Variants in MCF2L observed in about 807,000 individuals in gnomAD.
MCF2L encodes MCF.2 cell line derived transforming sequence like, also known as guanine nucleotide exchange factor DBS.
MCF2L carries 97 observed loss-of-function variants against 153.4 expected under a neutral mutation model. That is an observed-to-expected ratio of 0.63 (90% CI 0.54 to 0.75). The LOEUF is 0.75. MCF2L is among the 30% of genes least tolerant of loss of function. The pLI, the probability that MCF2L is intolerant of heterozygous loss-of-function variation, is 0.00. For synonymous variants in MCF2L, 659 were observed against 632.2 expected, an observed-to-expected ratio of 1.04 and a Z score of -0.64; for missense variants, 1,347 against 1,495.2, an observed-to-expected ratio of 0.90 and a Z score of 1.64.
At chr13:112,929,224 T>C (rs952734364) in intron 2 of MCF2L, among the ~76,000 whole-genome samples, 1 of 152,222 alleles carries the variant, frequency 6.6e-6, no homozygotes, top group African/African-American at 2.4e-5. Context: ...TTTATATTGG[T>C]TCCATAAATG....
intron 16 of MCF2L, 37 bp downstream of exon 16, chr13:113,081,316 G>A: frequency 6.5e-7 from 1 of 1,547,838 alleles, no homozygotes; most frequent in Non-Finnish European, 8.7e-7. Context: ...CTGCCACGGG[G>A]ACTCCCCTGG....
rs373297897 is a variant in MCF2L at position 113,077,146 on chromosome 13, C to T, written c.1595C>T (p.Thr532Met). The T allele has an allele frequency of 1.2e-5, 20 of 1,611,946 alleles. No homozygotes were observed. Among genetic ancestry groups the T allele is most frequent in the East Asian group, 6.7e-5 (3 of 44,878 alleles). The change falls in exon 13 of 30, where the codon ACG becomes ATG. Residue 532 changes from threonine to methionine, a missense_variant. By Grantham distance (81) the Thr-to-Met change is moderately conservative. Around this residue, in one of 3 missense-constraint regions of MCF2L, gnomAD observed 820 missense variants for 921.2 expected, o/e 0.89. Coordinates refer to ENST00000535094, the MANE Select transcript of MCF2L (RefSeq NM_001112732.3). ...ASLKKLAARQ[T>M]RPVQPVAPRP... ...CTGAAGAAGCTGGCGGCCAGGCAGA[C>T]GCGGCCCGTGCAGCCGGTGGCCCCC...
chr13:112,918,233 G>A (rs113553114), intron 2 of MCF2L, among the ~76,000 whole-genome samples: 53 of 152,322 alleles, frequency 3.5e-4, no homozygotes, highest in African/African-American at 1.2e-3. Flanking sequence ...GATGAGGAGG[G>A]TCCCTGGAAA....
chr13:112,952,953 G>A (rs1002379520), intron 2 of MCF2L, among the ~76,000 whole-genome samples: 29 of 152,038 alleles, frequency 1.9e-4, no homozygotes, highest in African/African-American at 7.0e-4. Context: ...GACACTAAAT[G>A]CCCACTTTTG....
In MCF2L at chr13:113,097,087, G is replaced by C; in HGVS notation, c.*228G>C. ...GAGCCCACAGAGGAGGGGCCGCAGG[G>C]AACAGCCCCGGGCGGCAGGCGCCGG... On this transcript the variant is annotated 3_prime_UTR_variant, in exon 30 of 30. Transcript: ENST00000535094. 5.6e-6 allele frequency: 2 copies of C among 355,150 alleles called. No individual in the cohort carries two copies. The highest frequency in any genetic ancestry group is 1.0e-5 in the Non-Finnish European group (2 of 198,870). 22.0% of individuals were successfully genotyped at this position (355,150 alleles called of 1,614,324 possible).
intron 3 of MCF2L, chr13:113,044,435 T>G: frequency 2.0e-6 from 1 of 489,740 alleles, no homozygotes; most frequent in Non-Finnish European, 3.7e-6. Flanking sequence ...ATAGACTGCA[T>G]AATTTATCTC....
intron 4 of MCF2L, among the ~76,000 whole-genome samples, chr13:113,051,558 C>T (rs2087329908): frequency 6.6e-6 from 1 of 152,202 alleles, no homozygotes; most frequent in Admixed American, 6.5e-5. Context: ...TGTGTATTTC[C>T]TGGAACATGG....
At chr13:112,900,142 G>A (rs973557734) in intron 1 of MCF2L, among the ~76,000 whole-genome samples, 8 of 152,218 alleles carry the variant, frequency 5.3e-5, no homozygotes, top group Admixed American at 4.6e-4. Context: ...GAATTTGGAA[G>A]AGAAAAAGGA....
chr13:112,913,768 C>T (rs1401201589), intron 2 of MCF2L, among the ~76,000 whole-genome samples: 1 of 152,100 alleles, frequency 6.6e-6, no homozygotes, highest in Non-Finnish European at 1.5e-5. Context: ...TCGTTGACGT[C>T]CTCTCAACGA....
chr13:113,099,055 A>G lies in MCF2L; in HGVS notation c.*2196A>G, dbSNP rs2035825275. 1 of 152,234 alleles carries G rather than the reference A, an allele frequency of 6.6e-6. No homozygotes were observed. The highest frequency in any genetic ancestry group is 2.4e-5 in the African/African-American group (1 of 41,454). The allele number at this position is 152,234 out of a possible 1,614,324, so 9.4% of individuals were successfully genotyped here. A position where few individuals can be genotyped will look rare whatever the true frequency, so the allele number is the denominator to read the frequency against. ...GACCATCAAGCAAATTTATATATAG[A>G]TTGGAGATTTAAAATAAAAGAAGAC... On this transcript the variant is annotated 3_prime_UTR_variant, in exon 30 of 30. Transcript: ENST00000535094.
intron 3 of MCF2L, chr13:113,044,735 C>A (rs78074293): frequency 6.2e-7 from 1 of 1,612,790 alleles, no homozygotes; most frequent in Admixed American, 1.7e-5. Flanking sequence ...ATGTGGCTGT[C>A]GCAGAGAGTG....
Position 113,070,052 on chromosome 13 carries a change from T to A in MCF2L, c.882-7T>A. ...CACACAGACGGTCAACTCCTCCTCT[T>A]TCCCAGGCTCCTGGCCCAGCTGAAC... On this transcript the variant is annotated splice_polypyrimidine_tract_variant and splice_region_variant and intron_variant, in intron 8 of 29. Transcript: ENST00000535094. This position sits in a 1 kb window ranked among gnomAD's most constrained non-coding sequence, Gnocchi z 5.6. 6.2e-7 allele frequency: 1 copy of A among 1,605,726 alleles called. No individual in the cohort carries two copies. Among genetic ancestry groups the A allele is most frequent in the South Asian group, 1.1e-5 (1 of 90,284 alleles).
chr13:113,024,531 C>A (rs1454427200), intron 2 of MCF2L, 113 bp from the exon 3 acceptor site: 2 of 655,910 alleles, frequency 3.0e-6, no homozygotes, highest in African/African-American at 1.8e-5. Context: ...CGATGAAGAA[C>A]ATGCCTCAGT....
chr13:113,046,747 T>G lies in MCF2L; in HGVS notation c.369+1386T>G. 1 of 468,982 alleles carries G rather than the reference T, an allele frequency of 2.1e-6. No homozygotes were observed. Among genetic ancestry groups the G allele is most frequent in the Non-Finnish European group, 4.4e-6 (1 of 229,072 alleles). The allele number at this position is 468,982 out of a possible 1,614,324, so 29.1% of individuals were successfully genotyped here. On this transcript the variant is annotated intron_variant, in intron 4 of 29. Transcript: ENST00000535094. The surrounding 1 kb of genome is among the most constrained non-coding windows in gnomAD (Gnocchi z 4.4). ...CCTCTCTGCCCCTCGCCGCGGCGGA[T>G]CCCCGTTCCTGACCCTGACTCAACC...
rs56726478 is a variant in MCF2L, at chr13:113,070,624, T to TCCCTCCCAGTCCAC, written c.996+457_996+458insCAGTCCACCCCTCC. 0.12 allele frequency among the ~76,000 whole-genome samples: 17,938 copies of TCCCTCCCAGTCCAC among 152,118 alleles called. 1,516 individuals carry two copies. The highest frequency in any genetic ancestry group is 0.27 in the East Asian group (1,372 of 5,158). ...GCGGCCCTTCGTGGACTCACCCATG[T>TCCCTCCCAGTCCAC]CCCTCCTCAGCCCCCGGCAACCACT... On this transcript the variant is annotated intron_variant, in intron 9 of 29. Transcript: ENST00000535094. The surrounding 1 kb of genome is among the most constrained non-coding windows in gnomAD (Gnocchi z 5.6).
intron 2 of MCF2L, among the ~76,000 whole-genome samples, chr13:112,963,589 C>T (rs2081858958): frequency 6.6e-6 from 1 of 152,220 alleles, no homozygotes. Context: ...TGCTCCATAG[C>T]CTGTCTTGGT....
intron 1 of MCF2L, among the ~76,000 whole-genome samples, chr13:112,988,883 CGCCCGAGTCCTCCCTGAGCAGG>C (rs2082771125): frequency 1.8e-5 from 2 of 111,274 alleles, no homozygotes; most frequent in Non-Finnish European, 3.8e-5. Context: ...GGAGCTACCA[CGCCCGAGTCCTCCCTGAGCAGG>C]ACATGGAGCT....
rs1417690724 is a variant in MCF2L at position 113,031,085 on chromosome 13, A to G, written c.278+6327A>G. Among the ~76,000 whole-genome samples, 1 of 123,066 alleles carries G rather than the reference A, an allele frequency of 8.1e-6. No individual in the cohort carries two copies. The highest frequency in any genetic ancestry group is 1.7e-5 in the Non-Finnish European group (1 of 59,712). The allele number at this position is 123,066 out of a possible 152,430, so 80.7% of individuals were successfully genotyped here. On this transcript the variant is annotated intron_variant, in intron 3 of 29. Transcript: ENST00000535094. This position sits in a 1 kb window ranked among gnomAD's most constrained non-coding sequence, Gnocchi z 5.5. ...CAGAGAGACAGAGACAGACAGATACAGACAGAGACAGAGACAGAGAGAGAC... is the reference window on the plus strand; with the variant it reads ...CAGAGAGACAGAGACAGACAGATACGGACAGAGACAGAGACAGAGAGAGAC...
chr13:113,058,736 C>CGCTCTGTGGGT (rs2030779498), intron 4 of MCF2L, among the ~76,000 whole-genome samples: 1 of 119,952 alleles, frequency 8.3e-6, no homozygotes. Flanking sequence ...GCTGTGTGGG[C>CGCTCTGTGGGT]GCTGAGTGGG....
Sources: gnomAD v4.1 joint callset for allele counts (sites outside exome capture counted in the v4.1 genomes callset) on GRCh38, gnomAD v4.1.1 for gene constraint, gnomAD v4.1.1 regional missense constraint, Gnocchi (gnomAD v3.1) non-coding constraint, MANE v1.5 for transcripts, NCBI Gene and HGNC (gene_info 2026-07-23, HGNC 2026-07-21) for gene names.